CBFA2T2: variants seen among roughly 807,000 people sequenced by gnomAD.
The protein encoded by CBFA2T2 is CBFA2/RUNX1 partner transcriptional co-repressor 2.
A neutral mutation model predicts 62.2 loss-of-function variants in CBFA2T2; 11 were observed. The observed-to-expected ratio is 0.18, with a 90% CI of 0.11 to 0.29. CBFA2T2 has a LOEUF of 0.29. Ranked by LOEUF, CBFA2T2 falls within the 10% of genes least tolerant of loss-of-function variation. CBFA2T2 has a pLI of 1.00. For synonymous variants in CBFA2T2, 295 were observed against 287.5 expected (o/e 1.03, Z -0.27); for missense variants, 592 against 774.1 (o/e 0.76, Z 2.79).
chr20:33,563,397 G>A (rs987640298), intron 1 of CBFA2T2, among the ~76,000 whole-genome samples: 5 of 151,858 alleles, frequency 3.3e-5, no homozygotes, highest in Non-Finnish European at 5.9e-5. Flanking sequence ...AATAGAGATG[G>A]GTCTCACTGT....
chr20:33,541,361 C>T (rs1452144673), intron 1 of CBFA2T2, among the ~76,000 whole-genome samples: 5 of 152,228 alleles, frequency 3.3e-5, no homozygotes, highest in Admixed American at 3.3e-4. Flanking sequence ...AATCCATATA[C>T]CCGCCCATCT....
At chr20:33,632,280 A>G (rs935608578) in intron 8 of CBFA2T2, among the ~76,000 whole-genome samples, 3 of 151,908 alleles carry the variant, frequency 2.0e-5, no homozygotes, top group African/African-American at 7.3e-5. Flanking sequence ...CTGACCTTGT[A>G]TGATCCACCC....
At position 33,514,210 on chromosome 20, in the gene CBFA2T2, T is replaced by TG. The variant is rs1262954148; in HGVS notation, c.34+23909_34+23910insG. Among the ~76,000 whole-genome samples, 562 of 119,668 alleles carry TG rather than the reference T, an allele frequency of 4.7e-3. 7 individuals are homozygous for TG. The highest frequency in any genetic ancestry group is 0.017 in the African/African-American group (542 of 31,860). 78.5% of individuals were successfully genotyped at this position (119,668 alleles called of 152,430 possible). On this transcript the variant is annotated intron_variant, in intron 1 of 10. Transcript: ENST00000342704. ...GAGCCACCGTGCCCTGCCTTTGTTT[T>TG]TTTTTTTTTTTTTTTTTTTTTTGAG... is the stretch of plus-strand genomic sequence containing the variant.
chr20:33,641,586 T>C (rs765540737), intron 10 of CBFA2T2, among the ~76,000 whole-genome samples: 1 of 152,196 alleles, frequency 6.6e-6, no homozygotes, highest in Non-Finnish European at 1.5e-5. Flanking sequence ...CCGGCTGTCT[T>C]TGGGACATTC....
At chr20:33,642,153 TGTGTGTGTGTGG>T (rs2016882455) in intron 10 of CBFA2T2, among the ~76,000 whole-genome samples, 2 of 144,974 alleles carry the variant, frequency 1.4e-5, no homozygotes, top group African/African-American at 5.1e-5. Context: ...TGTGTGTGTG[TGTGTGTGTGTGG>T]ATAACAGGGT....
intron 1 of CBFA2T2, among the ~76,000 whole-genome samples, chr20:33,494,382 C>T (rs1346771403): frequency 7.3e-6 from 1 of 136,118 alleles, no homozygotes; most frequent in East Asian, 2.4e-4. Context: ...CCTGGGTTCA[C>T]GCCATTCTCC....
intron 1 of CBFA2T2, among the ~76,000 whole-genome samples, chr20:33,592,186 A>G (rs1244571777): frequency 6.6e-6 from 1 of 151,980 alleles, no homozygotes; most frequent in Non-Finnish European, 1.5e-5. Flanking sequence ...AACATGGGGA[A>G]ACCCCATCTC....
chr20:33,505,387 C>T (rs1483169309), intron 1 of CBFA2T2, among the ~76,000 whole-genome samples: 19 of 152,192 alleles, frequency 1.2e-4, no homozygotes, highest in Non-Finnish European at 2.1e-4. Context: ...GTTTTGAACA[C>T]TGTATGTTAC....
chr20:33,515,821 A>G (rs999034144), intron 1 of CBFA2T2, among the ~76,000 whole-genome samples: 12 of 131,494 alleles, frequency 9.1e-5, no homozygotes, highest in African/African-American at 2.6e-4. Flanking sequence ...AAAAAAAAAA[A>G]CGGGGCGGGG....
chr20:33,501,630 CTTTTTTTTTTT>C (rs869281966), intron 1 of CBFA2T2, among the ~76,000 whole-genome samples: 62 of 63,266 alleles, frequency 9.8e-4, no homozygotes, highest in South Asian at 9.1e-3. Context: ...CTTAGCCTTC[CTTTTTTTTTTT>C]TTTTTTTTTT....
At chr20:33,582,548 C>CGTACA in intron 1 of CBFA2T2, among the ~76,000 whole-genome samples, 1 of 151,938 alleles carries the variant, frequency 6.6e-6, no homozygotes, top group South Asian at 2.1e-4. Context: ...AGGCCGGGCG[C>CGTACA]GGTGGCGTAC....
intron 7 of CBFA2T2, 64 bp downstream of exon 7, chr20:33,628,499 C>T (rs541555985): frequency 3.8e-5 from 43 of 1,118,910 alleles, no homozygotes; most frequent in African/African-American, 3.5e-4. Context: ...ACAGGAGTCT[C>T]GCTCTGTCAC....
chr20:33,554,313 C>T (rs2012825741), intron 1 of CBFA2T2, among the ~76,000 whole-genome samples: 1 of 148,456 alleles, frequency 6.7e-6, no homozygotes, highest in Non-Finnish European at 1.5e-5. Flanking sequence ...AGTGCAGAGG[C>T]ATGATCTCAG....
chr20:33,618,456 C>G (rs2015795342), intron 3 of CBFA2T2: 1 of 152,134 alleles, frequency 6.6e-6, no homozygotes, highest in Non-Finnish European at 1.5e-5. Flanking sequence ...AGCAGAGTTG[C>G]TGAGTCTCAT....
At chr20:33,623,023 A>G (rs1354539497) in intron 4 of CBFA2T2, 92 bp from the exon 5 acceptor site, 2 of 1,208,674 alleles carry the variant, frequency 1.7e-6, no homozygotes, top group South Asian at 1.4e-5. Flanking sequence ...AAAGGCTTTT[A>G]TCTTGTATCA....
intron 1 of CBFA2T2, among the ~76,000 whole-genome samples, chr20:33,554,909 A>G (rs567442358): frequency 1.3e-5 from 2 of 152,294 alleles, no homozygotes; most frequent in East Asian, 3.9e-4. Flanking sequence ...TGAATATTAC[A>G]TAAGAAAAAA....
chr20:33,646,909 T>A lies in CBFA2T2; in HGVS notation c.*2263T>A, dbSNP rs2017073286. ...ATTAAAGAATTTCAAGTCCCTAATT[T>A]ACTCTAACCAAGCATTTTCAGTCTT... On this transcript the variant is annotated 3_prime_UTR_variant, in exon 11 of 11. Coordinates refer to ENST00000342704, the MANE Select transcript of CBFA2T2 (RefSeq NM_001032999.3). 1.3e-5 allele frequency: 2 copies of A among 151,714 alleles called. No individual in the cohort carries two copies. Among genetic ancestry groups the A allele is most frequent in the African/African-American group, 2.4e-5 (1 of 41,306 alleles). The allele number at this position is 151,714 out of a possible 1,614,324, so 9.4% of individuals were successfully genotyped here.
chr20:33,512,049 C>T (rs998361790), intron 1 of CBFA2T2, among the ~76,000 whole-genome samples: 3 of 151,878 alleles, frequency 2.0e-5, no homozygotes, highest in Admixed American at 6.6e-5. Context: ...TGGTGGCATG[C>T]GCCTGTAGGC....
chr20:33,527,783 A>G (rs1430619490), intron 1 of CBFA2T2, among the ~76,000 whole-genome samples: 1 of 152,018 alleles, frequency 6.6e-6, no homozygotes, highest in African/African-American at 2.4e-5. Context: ...ACCTCAGGTG[A>G]TCTGCCTGTC....
Sources: allele counts gnomAD v4.1 joint callset (sites outside exome capture counted in the v4.1 genomes callset), GRCh38; gene constraint gnomAD v4.1.1; transcripts MANE v1.5; gene names NCBI Gene and HGNC (gene_info 2026-07-23, HGNC 2026-07-21).